The following TLE6 variants were observed in gnomAD, a reference collection of about 807,000 sequenced individuals.
The protein encoded by TLE6 is transducin-like enhancer protein 6.
In TLE6, 72 loss-of-function variants were observed where a neutral mutation model predicts 77.1. The ratio of observed to expected loss-of-function variants is 0.93; its 90% CI spans 0.77 to 1.14. The LOEUF is 1.14. Ranked by LOEUF, TLE6 falls within the 50% of genes most tolerant of loss-of-function variation. TLE6 has a pLI of 0.00. For synonymous variants in TLE6, 366 were observed against 287.3 expected (o/e 1.27, Z -2.77); for missense variants, 843 against 747.6 (o/e 1.13, Z -1.49).
Position 2,987,111 on chromosome 19 carries a change from G to C in TLE6, c.414G>C (p.Glu138Asp). 2 of 1,614,138 alleles carry C rather than the reference G, an allele frequency of 1.2e-6. No homozygotes were observed. Among genetic ancestry groups the C allele is most frequent in the Non-Finnish European group, 1.7e-6 (2 of 1,180,028 alleles). ...SSDWLRRPLG[E>D]DNQPETQLFW... ...ACTGGCTCCGGCGGCCTTTGGGGGA[G>C]GACAATCAGCCGGAGACCCAGCTGT... Residue 138 changes from glutamate to aspartate, a missense_variant, in exon 7 of 17, where the codon GAG becomes GAC. Physicochemically the swap from Glu to Asp is conservative, Grantham distance 45 (BLOSUM62 2). Coordinates refer to ENST00000246112, the MANE Select transcript of TLE6 (RefSeq NM_001143986.2).
intron 13 of TLE6, among the ~76,000 whole-genome samples, 179 bp downstream of exon 13, chr19:2,989,964 G>A (rs1394285142): frequency 6.6e-6 from 1 of 152,158 alleles, no homozygotes; most frequent in Non-Finnish European, 1.5e-5. Flanking sequence ...GTTTAGAGGT[G>A]CGGACTTGAA....
In TLE6 at chr19:2,987,348, G is replaced by A. The variant is rs2088938302; in HGVS notation, c.542-8G>A. ...TCCCCCTCCTCCTCTCCGTTGTCAT[G>A]GTGACAGAGCAGGCACCAGGCCTGG... On this transcript the variant is annotated splice_polypyrimidine_tract_variant and splice_region_variant and intron_variant, in intron 7 of 16. Coordinates refer to ENST00000246112, the MANE Select transcript of TLE6 (RefSeq NM_001143986.2). 1 of 1,614,034 alleles carries A rather than the reference G, an allele frequency of 6.2e-7. No individual in the cohort carries two copies. The highest frequency in any genetic ancestry group is 1.3e-5 in the African/African-American group (1 of 74,932).
At chr19:2,988,370 G>T (rs1339524131) in intron 11 of TLE6, among the ~76,000 whole-genome samples, 1 of 152,130 alleles carries the variant, frequency 6.6e-6, no homozygotes, top group Non-Finnish European at 1.5e-5. Flanking sequence ...GCCGAGGCGG[G>T]CAGATCACGA....
At chr19:2,990,550 G>T (rs1000655120) in intron 13 of TLE6, among the ~76,000 whole-genome samples, 9 of 150,162 alleles carry the variant, frequency 6.0e-5, no homozygotes, top group African/African-American at 2.2e-4. Context: ...CTTGCGGTGA[G>T]CCGAGATCTG....
At position 2,994,108 on chromosome 19, in the gene TLE6, G is replaced by A; in HGVS notation, c.1614+13G>A. On this transcript the variant is annotated intron_variant, in intron 16 of 16. Transcript: ENST00000246112. The stretch of plus-strand genomic sequence containing the variant: ...AAAAGTGTTCGAGGTACTGCGGTGG[G>A]CTGGGGGCAGGACCCGGGGGTGGCC... 3 of 1,498,212 alleles carry A rather than the reference G, an allele frequency of 2.0e-6. No homozygotes were observed. Among genetic ancestry groups the A allele is most frequent in the Non-Finnish European group, 2.7e-6 (3 of 1,117,446 alleles). The allele number at this position is 1,498,212 out of a possible 1,614,324, so 92.8% of individuals were successfully genotyped here. A position where few individuals can be genotyped will look rare whatever the true frequency, so the allele number is the denominator to read the frequency against.
intron 5 of TLE6, among the ~76,000 whole-genome samples, chr19:2,985,082 T>A (rs1443952903): frequency 6.6e-6 from 1 of 151,610 alleles, no homozygotes; most frequent in African/African-American, 2.4e-5. Context: ...GAAACCCCAT[T>A]TCTACTAAAA....
At position 2,989,058 on chromosome 19, in the gene TLE6, A is replaced by G. The variant is rs774076222; in HGVS notation, c.741-3A>G. On this transcript the variant is annotated splice_polypyrimidine_tract_variant and splice_region_variant and intron_variant, in intron 11 of 16. Coordinates refer to ENST00000246112, the MANE Select transcript of TLE6 (RefSeq NM_001143986.2). ...CAGTTACCCCAAGGCCTCCCCTCCC[A>G]AGATCCTGGGACCCTGAGGACTTTG... 6.2e-7 allele frequency: 1 copy of G among 1,611,566 alleles called. No homozygotes were observed. The highest frequency in any genetic ancestry group is 1.3e-5 in the African/African-American group (1 of 75,016).
In TLE6 at chr19:2,987,800, G is replaced by A. The variant is rs528590354; in HGVS notation, c.625+10G>A. On this transcript the variant is annotated intron_variant, in intron 9 of 16. Coordinates refer to ENST00000246112, the MANE Select transcript of TLE6 (RefSeq NM_001143986.2). ...CCTGAAGATGCCTCCAGTAATCCCA[G>A]CGGGCAGGGGCCGACCGACTCCAGG... The A allele has an allele frequency of 6.2e-7, 1 of 1,614,154 alleles. No individual in the cohort carries two copies.
intron 3 of TLE6, 75 bp from the exon 4 acceptor site, chr19:2,981,463 G>A: frequency 1.4e-6 from 2 of 1,481,004 alleles, no homozygotes; most frequent in African/African-American, 1.4e-5. Context: ...CTCCCTAGGG[G>A]TTGAGGGTGG....
intron 1 of TLE6, 64 bp from the exon 2 acceptor site, chr19:2,978,134 C>T: frequency 7.6e-7 from 1 of 1,317,884 alleles, no homozygotes; most frequent in Non-Finnish European, 1.1e-6. Context: ...TAACGGGTGC[C>T]TTGCTTCCCT....
chr19:2,989,609 G>T lies in TLE6; in HGVS notation c.1068G>T (p.Leu356=), dbSNP rs1400591435. ...SRSLLTGGYN[L]ASVSVWDLAA... is the part of the protein sequence containing the mutation. ...GCCTGCTCACCGGTGGCTACAACCT[G>T]GCCAGCGTGAGCGTGTGGGACCTGG... Residue 356 remains leucine, a synonymous_variant, in exon 13 of 17, where the codon CTG becomes CTT. Transcript: ENST00000246112. The T allele has an allele frequency of 6.2e-7, 1 of 1,614,060 alleles. No individual in the cohort carries two copies. Among genetic ancestry groups the T allele is most frequent in the Non-Finnish European group, 8.5e-7 (1 of 1,180,010 alleles).
At chr19:2,982,585 A>ACGAGGGGTAG (rs1384920796) in intron 5 of TLE6, among the ~76,000 whole-genome samples, 2 of 146,944 alleles carry the variant, frequency 1.4e-5, no homozygotes, top group East Asian at 4.0e-4. Flanking sequence ...AAGACAGAGG[A>ACGAGGGGTAG]CGAGGGGTAG....
At chr19:2,980,514 T>TCACC (rs2145016062) in intron 3 of TLE6, 1 of 195,090 alleles carries the variant, frequency 5.1e-6, no homozygotes, top group Non-Finnish European at 1.1e-5. Flanking sequence ...GGCGGGCGGA[T>TCACC]TGCTTGAGGT....
Position 2,994,114 on chromosome 19 carries a change from G to A in TLE6, c.1614+19G>A. ...GTTCGAGGTACTGCGGTGGGCTGGG[G>A]GCAGGACCCGGGGGTGGCCCCAAAG... On this transcript the variant is annotated intron_variant, in intron 16 of 16. Transcript: ENST00000246112. The A allele has an allele frequency of 1.3e-6, 2 of 1,588,166 alleles. No homozygotes were observed. The highest frequency in any genetic ancestry group is 1.3e-5 in the African/African-American group (1 of 74,786).
rs778523096 is a variant in TLE6 at position 2,994,900 on chromosome 19, G to A, written c.1615G>A (p.Val539Met). The change falls in exon 17 of 17, where the codon GTG becomes ATG. Residue 539 changes from valine to methionine, a missense_variant and splice_region_variant. Coordinates refer to ENST00000246112, the MANE Select transcript of TLE6 (RefSeq NM_001143986.2). ...SMPAGTKVFE[V>M]PEMSPVTCCD... ...TCACTGCCCACTGCCCCCCCTCCAG[G>A]TGCCTGAGATGTCTCCAGTCACGTG... 3 of 1,591,198 alleles carry A rather than the reference G, an allele frequency of 1.9e-6. No homozygotes were observed. The highest frequency in any genetic ancestry group is 1.7e-6 in the Non-Finnish European group (2 of 1,167,908).
In TLE6 at chr19:2,991,577, C is replaced by T. The variant is rs201541333; in HGVS notation, c.1245-266C>T. Among the ~76,000 whole-genome samples the T allele has an allele frequency of 9.3e-5, 14 of 151,008 alleles. No homozygotes were observed. The East Asian group carries it at 2.3e-3, about 25-fold the overall frequency. ...ATTCCTGTAGACCTGCCTCAGAGCT[C>T]GGGTGGACTCAGGGTGGAAGAGGCA... On this transcript the variant is annotated intron_variant, in intron 13 of 16. Transcript: ENST00000246112.
Position 2,982,199 on chromosome 19 carries a change from C to G in TLE6, c.222+10C>G, listed in dbSNP as rs1473528151. The G allele has an allele frequency of 2.0e-5, 31 of 1,550,994 alleles. No individual in the cohort carries two copies. Among genetic ancestry groups the G allele is most frequent in the African/African-American group, 2.7e-5 (2 of 72,880 alleles). ...AGAACATCACAAGCAGGTGGGTGACCAGGAGCTCAGGGGTGCGGCTGTCCC... is the reference window on the plus strand; with the variant it reads ...AGAACATCACAAGCAGGTGGGTGACGAGGAGCTCAGGGGTGCGGCTGTCCC... On this transcript the variant is annotated intron_variant, in intron 5 of 16. Transcript: ENST00000246112.
In TLE6 at chr19:2,994,881, C is replaced by G; in HGVS notation, c.1615-19C>G. ...GTGTGAGCCCTACCCCAGCTCACTG[C>G]CCACTGCCCCCCCTCCAGGTGCCTG... On this transcript the variant is annotated intron_variant, in intron 16 of 16. Coordinates refer to ENST00000246112, the MANE Select transcript of TLE6 (RefSeq NM_001143986.2). 1 of 1,519,288 alleles carries G rather than the reference C, an allele frequency of 6.6e-7. No individual in the cohort carries two copies. Among genetic ancestry groups the G allele is most frequent in the Non-Finnish European group, 9.0e-7 (1 of 1,109,580 alleles). 94.1% of individuals were successfully genotyped at this position (1,519,288 alleles called of 1,614,324 possible). A position where few individuals can be genotyped will look rare whatever the true frequency, so the allele number is the denominator to read the frequency against.
chr19:2,990,467 G>A (rs10409201), intron 13 of TLE6, among the ~76,000 whole-genome samples: 39,975 of 150,240 alleles, frequency 0.27, 6,871 homozygotes, highest in African/African-American at 0.49. Context: ...AGCCAGGCGC[G>A]GTGGTGGGTA....
Sources: gnomAD v4.1 joint callset for allele counts (sites outside exome capture counted in the v4.1 genomes callset) on GRCh38, gnomAD v4.1.1 for gene constraint, MANE v1.5 for transcripts, NCBI Gene and HGNC (gene_info 2026-07-23, HGNC 2026-07-21) for gene names.